The following MRTFA variants were observed in gnomAD, a reference collection of about 807,000 sequenced individuals.
MRTFA encodes myocardin-related transcription factor A.
Under a neutral mutation model 83.5 loss-of-function variants are expected in MRTFA, and 20 were observed. The ratio of observed to expected loss-of-function variants is 0.24; its 90% CI spans 0.17 to 0.35. MRTFA has a LOEUF of 0.35. Ranked by LOEUF, MRTFA falls within the 10% of genes least tolerant of loss-of-function variation. MRTFA has a pLI of 1.00. For missense variants in MRTFA, 1,200 were observed against 1,224.7 expected (o/e 0.98, Z 0.30); for synonymous variants, 659 against 541.2 (o/e 1.22, Z -3.02).
rs536201828 is a variant in MRTFA, at chr22:40,625,804, C to T, written c.-84+10674G>A. Among the ~76,000 whole-genome samples, 11 of 152,032 alleles carry T rather than the reference C, an allele frequency of 7.2e-5. No homozygotes were observed. The East Asian group carries it at 1.2e-3, about 16-fold the overall frequency. ...CTCATAAATGAAAATAAATAAATAA[C>T]ACAGAATAAGTAAATAAAATAGAAT... On this transcript the variant is annotated intron_variant, in intron 1 of 14. Transcript: ENST00000355630.
chr22:40,418,266 A>C (rs1206123992), intron 12 of MRTFA, 108 bp downstream of exon 12: 19 of 1,508,216 alleles, frequency 1.3e-5, no homozygotes, highest in Non-Finnish European at 1.1e-5. Context: ...TAAATGAAGC[A>C]AACACAAAAT....
chr22:40,478,852 T>C (rs1392493706), intron 3 of MRTFA, among the ~76,000 whole-genome samples: 2 of 152,074 alleles, frequency 1.3e-5, no homozygotes, highest in East Asian at 1.9e-4. Context: ...TGAAGACCCT[T>C]AGATTGACCC....
chr22:40,489,399 G>A (rs1312727159), intron 3 of MRTFA, among the ~76,000 whole-genome samples: 3 of 151,700 alleles, frequency 2.0e-5, no homozygotes, highest in Non-Finnish European at 2.9e-5. Flanking sequence ...GCCCAGGCTG[G>A]AGTGCAGTGT....
rs924714685 is a variant in MRTFA at position 40,410,892 on chromosome 22, T to C, written c.*498A>G. ...GTTACACTACACCAAGACACTAAAA[T>C]GGCAGGGAGCCCTGGGATCCTGGGG... On this transcript the variant is annotated 3_prime_UTR_variant, in exon 15 of 15. Transcript: ENST00000355630. 8.6e-6 allele frequency: 2 copies of C among 233,750 alleles called. No homozygotes were observed. The highest frequency in any genetic ancestry group is 5.6e-5 in the Admixed American group (1 of 17,804). The allele number at this position is 233,750 out of a possible 1,614,324, so 14.5% of individuals were successfully genotyped here.
chr22:40,417,097 TC>T, intron 13 of MRTFA, 51 bp from the exon 14 acceptor site: 2 of 1,529,350 alleles, frequency 1.3e-6, no homozygotes, highest in Non-Finnish European at 1.8e-6. Flanking sequence ...GAATGGGGGC[TC>T]CCAGCCCGAA....
At chr22:40,457,683 C>G (rs1286503004) in intron 4 of MRTFA, among the ~76,000 whole-genome samples, 1 of 152,098 alleles carries the variant, frequency 6.6e-6, no homozygotes, top group Admixed American at 6.5e-5. Flanking sequence ...ATCTATACGA[C>G]AAAAATAATT....
At position 40,528,464 on chromosome 22, in the gene MRTFA, G is replaced by A. The variant is rs142851570; in HGVS notation, c.241+23642C>T. On this transcript the variant is annotated intron_variant, in intron 3 of 14. Coordinates refer to ENST00000355630, the MANE Select transcript of MRTFA (RefSeq NM_020831.6). Reference sequence around the variant, plus strand: ...TAAATATAAAACTAAGTGGCCAGGCGTGGTGGCTCACACCTGTAATCCCAG... The same window carrying A: ...TAAATATAAAACTAAGTGGCCAGGCATGGTGGCTCACACCTGTAATCCCAG... Among the ~76,000 whole-genome samples, 212 of 152,196 alleles carry A rather than the reference G, an allele frequency of 1.4e-3. 2 individuals carry two copies. The highest frequency in any genetic ancestry group is 0.011 in the East Asian group (57 of 5,186).
chr22:40,582,931 T>C (rs1004091282), intron 2 of MRTFA, among the ~76,000 whole-genome samples: 2 of 152,172 alleles, frequency 1.3e-5, no homozygotes, highest in African/African-American at 4.8e-5. Flanking sequence ...AGGGGTGAGC[T>C]GAACAGTGCC....
At chr22:40,632,297 T>G (rs988794548) in intron 1 of MRTFA, among the ~76,000 whole-genome samples, 1 of 152,196 alleles carries the variant, frequency 6.6e-6, no homozygotes, top group African/African-American at 2.4e-5. Flanking sequence ...TGCAATTTTT[T>G]TTTTTTGAGA....
At chr22:40,469,423 T>C (rs1296378704) in intron 3 of MRTFA, among the ~76,000 whole-genome samples, 2 of 152,186 alleles carry the variant, frequency 1.3e-5, no homozygotes, top group Non-Finnish European at 1.5e-5. Flanking sequence ...GTGCCTTCTG[T>C]CATAAGTAAA....
At chr22:40,618,992 A>ATATAT (rs1556027992) in intron 1 of MRTFA, among the ~76,000 whole-genome samples, 1 of 149,050 alleles carries the variant, frequency 6.7e-6, no homozygotes, top group Admixed American at 6.7e-5. Context: ...AATAATTAAA[A>ATATAT]ATATATATAT....
In MRTFA at chr22:40,417,736, G is replaced by A. The variant is rs1448465803; in HGVS notation, c.2365-243C>T. 3 of 512,906 alleles carry A rather than the reference G, an allele frequency of 5.8e-6. No individual in the cohort carries two copies. The African/African-American group carries it at 6.0e-5, about 10-fold the overall frequency. 31.8% of individuals were successfully genotyped at this position (512,906 alleles called of 1,614,324 possible). A position where few individuals can be genotyped will look rare whatever the true frequency, so the allele number is the denominator to read the frequency against. On this transcript the variant is annotated intron_variant, in intron 12 of 14. Transcript: ENST00000355630. ...AGGTTTGGGAGAGGTCTCTGGGCTG[G>A]GCTGGTCACCCCCTGAGATTTCTGC...
intron 3 of MRTFA, among the ~76,000 whole-genome samples, chr22:40,477,175 C>CAAAAAAAA (rs55932110): frequency 1.7e-5 from 1 of 59,626 alleles, no homozygotes; most frequent in Non-Finnish European, 3.1e-5. Flanking sequence ...ACTAAAAATA[C>CAAAAAAAA]AAAAAAAAAA....
intron 3 of MRTFA, among the ~76,000 whole-genome samples, chr22:40,471,739 G>T (rs2053918702): frequency 6.6e-6 from 1 of 152,072 alleles, no homozygotes; most frequent in Non-Finnish European, 1.5e-5. Context: ...AGGCATGGTG[G>T]CAAGTGCCTG....
chr22:40,570,673 G>C (rs150326720), intron 2 of MRTFA, among the ~76,000 whole-genome samples: 1 of 151,004 alleles, frequency 6.6e-6, no homozygotes, highest in Admixed American at 6.6e-5. Flanking sequence ...GAGATGGTTG[G>C]AGTACAAGCA....
At chr22:40,502,269 C>T (rs1326247894) in intron 3 of MRTFA, among the ~76,000 whole-genome samples, 4 of 128,020 alleles carry the variant, frequency 3.1e-5, no homozygotes, top group African/African-American at 9.3e-5. Context: ...TCAGACGGGG[C>T]GGCTGCCGGG....
intron 3 of MRTFA, among the ~76,000 whole-genome samples, chr22:40,495,970 G>C (rs913578037): frequency 6.6e-6 from 1 of 151,832 alleles, no homozygotes; most frequent in South Asian, 2.1e-4. Flanking sequence ...GGAGGCTGAG[G>C]CTGGAGAAGC....
Position 40,499,946 on chromosome 22 carries a change from G to A in MRTFA, c.242-36660C>T, listed in dbSNP as rs190985514. Among the ~76,000 whole-genome samples the A allele has an allele frequency of 3.9e-3, 403 of 103,162 alleles. 1 individual carries two copies. Among genetic ancestry groups the A allele is most frequent in the Non-Finnish European group, 5.4e-3 (304 of 56,778 alleles). 67.7% of individuals were successfully genotyped at this position (103,162 alleles called of 152,430 possible). A position where few individuals can be genotyped will look rare whatever the true frequency, so the allele number is the denominator to read the frequency against. ...TTTTTTTTTTTTTTTTTTTGAGACC[G>A]AGTCTCACTCTGTCCCCAAGGCTGG... is the stretch of plus-strand genomic sequence containing the variant. On this transcript the variant is annotated intron_variant, in intron 3 of 14. Transcript: ENST00000355630.
intron 12 of MRTFA, chr22:40,417,696 G>A (rs2052715458): frequency 7.0e-6 from 4 of 569,452 alleles, no homozygotes; most frequent in South Asian, 4.2e-5. Flanking sequence ...CCTGCAGGGG[G>A]TGCCTGGCCC....
Sources: allele counts gnomAD v4.1 joint callset (sites outside exome capture counted in the v4.1 genomes callset), GRCh38; gene constraint gnomAD v4.1.1; transcripts MANE v1.5; gene names NCBI Gene and HGNC (gene_info 2026-07-23, HGNC 2026-07-21).